The following CCNH variants were observed in gnomAD, a reference collection of about 807,000 sequenced individuals.
CCNH encodes cyclin H, also known as cyclin-H.
Under a neutral mutation model 41.9 loss-of-function variants are expected in CCNH, and 31 were observed. That is an observed-to-expected ratio of 0.74 (90% CI 0.56 to 1.00). The LOEUF is 1.00. CCNH is among the 50% of genes least tolerant of loss of function. The probability of loss-of-function intolerance (pLI) is 0.00; values close to 1 mark genes in which losing one functional copy is unlikely to be tolerated. For synonymous variants in CCNH, 138 were observed against 136.1 expected (o/e 1.01, Z -0.10); for missense variants, 362 against 388.4 (o/e 0.93, Z 0.57).
chr5:87,352,150 C>T (rs993680655), intron 9 of CCNH, among the ~76,000 whole-genome samples: 2 of 151,372 alleles, frequency 1.3e-5, no homozygotes, highest in African/African-American at 4.8e-5. Context: ...TTCACCACAC[C>T]CCTCTGTGGC....
intron 2 of CCNH, among the ~76,000 whole-genome samples, chr5:87,409,629 CGTGTGTGTGT>C (rs71610500): frequency 6.0e-4 from 88 of 146,084 alleles, no homozygotes; most frequent in African/African-American, 1.5e-3. Flanking sequence ...TTTAAAAATA[CGTGTGTGTGT>C]GTGTGTGTGT....
At chr5:87,387,000 C>A, downstream of CCNH, 2 of 1,168,904 alleles carry the variant, frequency 1.7e-6, no homozygotes, top group African/African-American at 1.5e-5. Flanking sequence ...ATTTTCTATC[C>A]AAAACTAAAA....
chr5:87,375,322 G>A (rs1271978095), downstream of CCNH, among the ~76,000 whole-genome samples: 1 of 151,754 alleles, frequency 6.6e-6, no homozygotes, highest in East Asian at 1.9e-4. Context: ...GTGCAGTGGT[G>A]TGATCTCGGC....
chr5:87,391,041 A>T, downstream of CCNH: 4 of 757,382 alleles, frequency 5.3e-6, no homozygotes, highest in Non-Finnish European at 9.3e-6. Context: ...CTGCTGGTGA[A>T]TAACTATGCC....
At chr5:87,388,192 T>C (rs529645904), downstream of CCNH, among the ~76,000 whole-genome samples, 3 of 152,310 alleles carry the variant, frequency 2.0e-5, no homozygotes, top group Admixed American at 2.0e-4. Context: ...TGAAGGCAAA[T>C]ATGGAGTCTT....
At chr5:87,365,722 AACTC>A (rs1326091907) in intron 9 of CCNH, among the ~76,000 whole-genome samples, 1 of 152,148 alleles carries the variant, frequency 6.6e-6, no homozygotes, top group Non-Finnish European at 1.5e-5. Context: ...AAAAAAATGT[AACTC>A]ACTTACTAGG....
At position 87,365,393 on chromosome 5, in the gene CCNH, ACTT is replaced by A. The variant is rs3840122; in HGVS notation, c.*90+27374_*90+27376del. Reference sequence around the variant, plus strand: ...TAGTGGCTATACCTCAGTACTTCCTACTTTCTTGTTCAATCATCCAGGTACTCT... The same window carrying A: ...TAGTGGCTATACCTCAGTACTTCCTATCTTGTTCAATCATCCAGGTACTCT... On this transcript the variant is annotated intron_variant and NMD_transcript_variant, in intron 9 of 9. Coordinates refer to the CCNH transcript ENST00000645953. 2.7e-3 allele frequency among the ~76,000 whole-genome samples: 407 copies of A among 152,238 alleles called. 5 individuals carry two copies. The highest frequency in any genetic ancestry group is 8.7e-3 in the East Asian group (45 of 5,178).
rs140025838 is a variant in CCNH, at chr5:87,371,255, G to A, written c.*90+21515C>T. Reference sequence around the variant, plus strand: ...CCAGTTTTTGTTGATTTATTGGGCTGTGGGGGTCTCTGGTTATTCTCTTCT... The same window carrying A: ...CCAGTTTTTGTTGATTTATTGGGCTATGGGGGTCTCTGGTTATTCTCTTCT... On this transcript the variant is annotated intron_variant and NMD_transcript_variant, in intron 9 of 9. Transcript: ENST00000645953. 2.5e-3 allele frequency among the ~76,000 whole-genome samples: 379 copies of A among 152,064 alleles called. 1 individual carries two copies. Among genetic ancestry groups the A allele is most frequent in the African/African-American group, 8.6e-3 (357 of 41,498 alleles).
chr5:87,373,517 G>A (rs886249230), downstream of CCNH, among the ~76,000 whole-genome samples: 10 of 152,056 alleles, frequency 6.6e-5, no homozygotes, highest in African/African-American at 2.2e-4. Flanking sequence ...CTGTAGTGTA[G>A]ACTTTATACT....
intron 9 of CCNH, among the ~76,000 whole-genome samples, chr5:87,321,960 A>G (rs1202268779): frequency 6.6e-6 from 1 of 152,182 alleles, no homozygotes; most frequent in Admixed American, 6.5e-5. Context: ...CTGAGGCCTA[A>G]CACACCAAAC....
intron 5 of CCNH, among the ~76,000 whole-genome samples, chr5:87,403,374 T>C (rs749418640): frequency 6.6e-6 from 1 of 152,230 alleles, no homozygotes; most frequent in Non-Finnish European, 1.5e-5. Flanking sequence ...AATAAATTCA[T>C]TTGGACCTTC....
intron 9 of CCNH, among the ~76,000 whole-genome samples, chr5:87,366,828 T>G (rs1213864262): frequency 1.3e-5 from 2 of 152,158 alleles, no homozygotes; most frequent in African/African-American, 4.8e-5. Context: ...GCTCAGGGGT[T>G]GGAGACCAGC....
intron 9 of CCNH, among the ~76,000 whole-genome samples, chr5:87,319,599 G>A (rs1756624413): frequency 1.3e-5 from 2 of 152,206 alleles, no homozygotes; most frequent in South Asian, 4.1e-4. Context: ...TGGAGTGGCT[G>A]GGATGCGGGG....
intron 7 of CCNH, among the ~76,000 whole-genome samples, chr5:87,397,279 T>C (rs2112550621): frequency 6.6e-6 from 1 of 152,040 alleles, no homozygotes; most frequent in East Asian, 1.9e-4. Flanking sequence ...CCTGCCTCAG[T>C]CTTACAAGTA....
chr5:87,394,513 TA>T (rs1762764433), intron 8 of CCNH, 29 bp from the exon 9 acceptor site: 4 of 1,612,966 alleles, frequency 2.5e-6, no homozygotes, highest in Non-Finnish European at 3.4e-6. Context: ...GTGGTAAGGA[TA>T]ACACTGAAGC....
intron 5 of CCNH, among the ~76,000 whole-genome samples, chr5:87,402,715 C>G (rs1392728680): frequency 1.3e-5 from 2 of 152,114 alleles, no homozygotes; most frequent in African/African-American, 4.8e-5. Flanking sequence ...CAGGAAATCT[C>G]CTGACAACTA....
downstream of CCNH, among the ~76,000 whole-genome samples, chr5:87,372,535 T>C (rs944429354): frequency 5.3e-5 from 8 of 152,192 alleles, no homozygotes; most frequent in African/African-American, 1.4e-4. Flanking sequence ...ATCAGATTTA[T>C]AGCACTAATC....
chr5:87,341,208 G>A, intron 9 of CCNH: 1 of 772,962 alleles, frequency 1.3e-6, no homozygotes, highest in South Asian at 5.5e-5. Flanking sequence ...GGATATGTTT[G>A]CAGATACGAT....
intron 9 of CCNH, among the ~76,000 whole-genome samples, chr5:87,324,755 A>G (rs568304463): frequency 6.6e-6 from 1 of 152,122 alleles, no homozygotes; most frequent in African/African-American, 2.4e-5. Flanking sequence ...CCTCAAGTTT[A>G]AGTGATGTGT....
Sources: gnomAD v4.1 joint callset for allele counts (sites outside exome capture counted in the v4.1 genomes callset) on GRCh38, gnomAD v4.1.1 for gene constraint, MANE v1.5 for transcripts, NCBI Gene and HGNC (gene_info 2026-07-23, HGNC 2026-07-21) for gene names.